WDPCP: variants seen among roughly 807,000 people sequenced by gnomAD.
WDPCP encodes WD repeat-containing and planar cell polarity effector protein fritz homolog.
Under a neutral mutation model 93.1 loss-of-function variants are expected in WDPCP, and 71 were observed. The ratio of observed to expected loss-of-function variants is 0.76; its 90% CI spans 0.63 to 0.93. The LOEUF is 0.93. Ranked by LOEUF, WDPCP falls within the 40% of genes least tolerant of loss-of-function variation. The pLI, the probability that WDPCP is intolerant of heterozygous loss-of-function variation, is 0.00. For missense variants in WDPCP, 844 were observed against 887.4 expected, an observed-to-expected ratio of 0.95 and a Z score of 0.62; for synonymous variants, 315 against 315.0, an observed-to-expected ratio of 1.00 and a Z score of 0.00.
In WDPCP at chr2:63,492,741, A is replaced by G. The variant is rs924592232; in HGVS notation, c.160+115T>C. 10 of 913,898 alleles carry G rather than the reference A, an allele frequency of 1.1e-5. No individual in the cohort carries two copies. In the Admixed American group the frequency reaches 1.1e-4, roughly 10 times the overall value. 56.6% of individuals were successfully genotyped at this position (913,898 alleles called of 1,614,324 possible). A position where few individuals can be genotyped will look rare whatever the true frequency, so the allele number is the denominator to read the frequency against. On this transcript the variant is annotated intron_variant, in intron 2 of 17. Coordinates refer to ENST00000272321, the MANE Select transcript of WDPCP (RefSeq NM_015910.7). ...TCCATTAACCAATTTTTCATTAAGA[A>G]TAAAGAAAGAATGCAACTCCAGCTG...
chr2:63,269,353 T>C (rs1682431951), intron 13 of WDPCP, among the ~76,000 whole-genome samples: 1 of 152,200 alleles, frequency 6.6e-6, no homozygotes, highest in Non-Finnish European at 1.5e-5. Flanking sequence ...TAAATGAAAT[T>C]GGCTTCCACT....
chr2:63,252,812 A>G (rs939079185), intron 14 of WDPCP, among the ~76,000 whole-genome samples: 1 of 152,238 alleles, frequency 6.6e-6, no homozygotes, highest in Non-Finnish European at 1.5e-5. Context: ...GGAAAAATCA[A>G]TATCATTAAA....
chr2:63,444,736 C>G (rs1438534644), intron 6 of WDPCP, among the ~76,000 whole-genome samples: 1 of 152,180 alleles, frequency 6.6e-6, no homozygotes, highest in African/African-American at 2.4e-5. Context: ...TATCTCCCAA[C>G]ACTGTCCCAA....
At chr2:63,183,352 T>G (rs1383731245) in intron 14 of WDPCP, among the ~76,000 whole-genome samples, 1 of 152,060 alleles carries the variant, frequency 6.6e-6, no homozygotes, top group Non-Finnish European at 1.5e-5. Context: ...TTTCTAAAAA[T>G]TTTTAAGTTT....
chr2:63,657,706 A>C (rs921198341), intron 2 of WDPCP, among the ~76,000 whole-genome samples: 2 of 152,144 alleles, frequency 1.3e-5, no homozygotes, highest in African/African-American at 4.8e-5. Context: ...TTGTTCCTGA[A>C]AACATTCAGT....
intron 2 of WDPCP, among the ~76,000 whole-genome samples, chr2:63,703,108 A>T (rs983029543): frequency 1.9e-4 from 29 of 152,106 alleles, no homozygotes; most frequent in African/African-American, 7.0e-4. Context: ...CATTTTCTTA[A>T]TCCAGTCTAT....
At chr2:63,230,401 T>G (rs1344259440) in intron 14 of WDPCP, among the ~76,000 whole-genome samples, 1 of 152,102 alleles carries the variant, frequency 6.6e-6, no homozygotes, top group Non-Finnish European at 1.5e-5. Flanking sequence ...AACATACATG[T>G]GTATGTGTCT....
chr2:63,312,764 T>G (rs2103945595), intron 13 of WDPCP, among the ~76,000 whole-genome samples: 1 of 152,248 alleles, frequency 6.6e-6, no homozygotes, highest in Admixed American at 6.5e-5. Context: ...TTTAACCTCT[T>G]GGATCCACTT....
chr2:63,536,166 C>T (rs1704261477), intron 1 of WDPCP, among the ~76,000 whole-genome samples: 1 of 152,138 alleles, frequency 6.6e-6, no homozygotes, highest in African/African-American at 2.4e-5. Flanking sequence ...CAATGAGATA[C>T]CATCTCACAC....
intron 2 of WDPCP, chr2:63,684,298 C>T: frequency 3.3e-6 from 2 of 598,716 alleles, no homozygotes; most frequent in Non-Finnish European, 3.1e-6. Context: ...CAAGTGGTTG[C>T]TGCTGAAATG....
Position 63,575,483 on chromosome 2 carries a change from A to ATGCACTGTATATGCAG in WDPCP, c.75+12713_75+12714insCTGCATATACAGTGCA, listed in dbSNP as rs1428295555. ...AGTATATATGCAGTATATACAGTGTATATATAGTATATACAGTATATACAC... is the reference window on the plus strand; with the variant it reads ...AGTATATATGCAGTATATACAGTGTATGCACTGTATATGCAGTATATAGTATATACAGTATATACAC... On this transcript the variant is annotated intron_variant, in intron 1 of 17. Transcript: ENST00000272321. Among the ~76,000 whole-genome samples the ATGCACTGTATATGCAG allele has an allele frequency of 3.2e-5, 3 of 94,884 alleles. 1 individual carries two copies. 62.2% of individuals were successfully genotyped at this position (94,884 alleles called of 152,430 possible). A position where few individuals can be genotyped will look rare whatever the true frequency, so the allele number is the denominator to read the frequency against.
intron 12 of WDPCP, among the ~76,000 whole-genome samples, chr2:63,361,008 A>G (rs959066685): frequency 1.3e-5 from 2 of 152,238 alleles, no homozygotes; most frequent in Admixed American, 1.3e-4. Flanking sequence ...CTATAAGAAC[A>G]GGAACTTGGG....
At position 63,635,004 on chromosome 2, in the gene WDPCP, A is replaced by G. The variant is rs112986225; in HGVS notation, n.488+15655T>C. ...TTTAGCTAAATTAAGTAAGAAAAAC[A>G]GAGAAGACTTGAATAAAGAAAATCA... On this transcript the variant is annotated intron_variant and non_coding_transcript_variant, in intron 3 of 4. Coordinates refer to the WDPCP transcript ENST00000467687. Among the ~76,000 whole-genome samples, 312 of 152,254 alleles carry G rather than the reference A, an allele frequency of 2.0e-3. 1 individual carries two copies. The highest frequency in any genetic ancestry group is 6.8e-3 in the African/African-American group (282 of 41,570).
chr2:63,602,934 C>CTTTTTTTTTTTTTTTTTT lies in WDPCP; in HGVS notation n.488+47707_488+47724dup, dbSNP rs370479356. 1.4e-4 allele frequency among the ~76,000 whole-genome samples: 18 copies of CTTTTTTTTTTTTTTTTTT among 131,530 alleles called. 2 individuals carry two copies. The highest frequency in any genetic ancestry group is 2.4e-4 in the South Asian group (1 of 4,162). The allele number at this position is 131,530 out of a possible 152,430, so 86.3% of individuals were successfully genotyped here. ...ACATAATACAGTTTATTTAACCGTT[C>CTTTTTTTTTTTTTTTTTT]TTTTTTTTTTTTTTTTTTTTTTTTT... On this transcript the variant is annotated intron_variant and non_coding_transcript_variant, in intron 3 of 4. Coordinates refer to the WDPCP transcript ENST00000467687.
At chr2:63,661,092 C>T (rs1240717417) in intron 2 of WDPCP, among the ~76,000 whole-genome samples, 1 of 152,142 alleles carries the variant, frequency 6.6e-6, no homozygotes, top group East Asian at 1.9e-4. Flanking sequence ...CAACAAATCT[C>T]CCCAAAATTT....
At chr2:63,408,014 A>C (rs1694724364) in intron 9 of WDPCP, among the ~76,000 whole-genome samples, 1 of 152,172 alleles carries the variant, frequency 6.6e-6, no homozygotes, top group Non-Finnish European at 1.5e-5. Flanking sequence ...CCTTGTTTGC[A>C]AAGTTTGTGA....
chr2:63,466,748 A>G (rs1050973748), intron 6 of WDPCP, among the ~76,000 whole-genome samples: 6 of 152,242 alleles, frequency 3.9e-5, no homozygotes, highest in Non-Finnish European at 7.3e-5. Context: ...TTCAGATTTG[A>G]ACTCATTTAG....
At chr2:63,637,988 T>C (rs1296182779) in intron 3 of WDPCP, among the ~76,000 whole-genome samples, 1 of 152,216 alleles carries the variant, frequency 6.6e-6, no homozygotes, top group Non-Finnish European at 1.5e-5. Flanking sequence ...TACACTCTCA[T>C]GTTCATTGGA....
chr2:63,573,593 C>T (rs920850909), intron 1 of WDPCP, among the ~76,000 whole-genome samples: 4 of 152,028 alleles, frequency 2.6e-5, no homozygotes, highest in African/African-American at 4.8e-5. Flanking sequence ...CGCCTCAGGA[C>T]CCTGTGATGA....
Sources: allele counts gnomAD v4.1 joint callset (sites outside exome capture counted in the v4.1 genomes callset), GRCh38; gene constraint gnomAD v4.1.1; transcripts MANE v1.5; gene names NCBI Gene and HGNC (gene_info 2026-07-23, HGNC 2026-07-21).